Variants in SATB2 observed in about 807,000 individuals in gnomAD.
The protein encoded by SATB2 is SATB homeobox 2.
In SATB2, 1 loss-of-function variant was observed where a neutral mutation model predicts 73.4. The observed-to-expected ratio is 0.01, with a 90% CI of 0.00 to 0.06. SATB2 has a LOEUF of 0.06. SATB2 is among the 10% of genes least tolerant of loss of function. The pLI is 1.00. For missense variants in SATB2, 459 were observed against 945.8 expected (o/e 0.49, Z 6.75); for synonymous variants, 397 against 367.0 (o/e 1.08, Z -0.93).
In SATB2 at chr2:199,308,885, A is replaced by T; in HGVS notation, c.1615T>A (p.Cys539Ser). The T allele has an allele frequency of 6.2e-7, 1 of 1,614,166 alleles. No homozygotes were observed. Among genetic ancestry groups the T allele is most frequent in the Non-Finnish European group, 8.5e-7 (1 of 1,180,014 alleles). Residue 539 changes from cysteine to serine, a missense_variant, in exon 10 of 11, where the codon TGT (cysteine) becomes AGT (serine). This residue lies in a region of SATB2 where 74 missense variants were observed against 136.1 expected (regional missense o/e 0.54). Coordinates refer to ENST00000417098, the MANE Select transcript of SATB2 (RefSeq NM_001172509.2). The surrounding 1 kb of genome is among the most constrained non-coding windows in gnomAD (Gnocchi z 4.6). The stretch of plus-strand genomic sequence containing the variant: ...AGGTTCAGGAAGCGACGGATGGTAC[A>T]GAGGTTTTCCCAGAGGGTGCGGTTT... ...PENRTLWENL[C>S]TIRRFLNLPQ...
intron 10 of SATB2, among the ~76,000 whole-genome samples, chr2:199,281,164 C>A (rs978952349): frequency 6.6e-6 from 1 of 150,726 alleles, no homozygotes; most frequent in African/African-American, 2.4e-5. Context: ...AACCCAGGAG[C>A]GGGAGGTTGC....
chr2:199,368,670 G>A lies in SATB2; in HGVS notation c.635C>T (p.Ala212Val). ...CTGGCACTTGGTTGCTGACACATTG[G>A]CATAATATGTGCTATTTACAATGGA... ...ISSIVNSTYY[A>V]NVSATKCQEF... The change falls in exon 6 of 11, where the codon GCC becomes GTC. Residue 212 changes from alanine to valine, a missense_variant. Physicochemically the swap from Ala to Val is moderately conservative, Grantham distance 64. Coordinates refer to ENST00000417098, the MANE Select transcript of SATB2 (RefSeq NM_001172509.2). 1 of 1,608,586 alleles carries A rather than the reference G, an allele frequency of 6.2e-7. No homozygotes were observed. Among genetic ancestry groups the A allele is most frequent in the Non-Finnish European group, 8.5e-7 (1 of 1,175,688 alleles).
chr2:199,318,838 A>G lies in SATB2; in HGVS notation c.1542+4965T>C, dbSNP rs78715378. Among the ~76,000 whole-genome samples, 1,162 of 152,168 alleles carry G rather than the reference A, an allele frequency of 7.6e-3. 20 individuals carry two copies. Among genetic ancestry groups the G allele is most frequent in the African/African-American group, 0.026 (1,091 of 41,528 alleles). On this transcript the variant is annotated intron_variant, in intron 9 of 10. Coordinates refer to ENST00000417098, the MANE Select transcript of SATB2 (RefSeq NM_001172509.2). ...AAAAGAATCTTCCACAGAGACCTAG[A>G]TGTTTTAAATTATTTAGCCTGTCAA...
At chr2:199,439,726 C>T (rs998312353) in intron 2 of SATB2, among the ~76,000 whole-genome samples, 3 of 152,166 alleles carry the variant, frequency 2.0e-5, no homozygotes, top group Admixed American at 6.6e-5. Flanking sequence ...CTCACACTGA[C>T]ACAATCATAC....
intron 10 of SATB2, among the ~76,000 whole-genome samples, chr2:199,280,136 A>G (rs1574466131): frequency 1.3e-5 from 2 of 152,282 alleles, no homozygotes; most frequent in South Asian, 4.2e-4. Flanking sequence ...TAGTTCCCCA[A>G]ATTGATACTT....
At chr2:199,374,669 A>G (rs1379621006) in intron 5 of SATB2, among the ~76,000 whole-genome samples, 3 of 152,198 alleles carry the variant, frequency 2.0e-5, no homozygotes, top group Non-Finnish European at 2.9e-5. Context: ...TGTTCTTTTC[A>G]TTACAATTTT....
intron 10 of SATB2, among the ~76,000 whole-genome samples, chr2:199,294,751 A>T (rs968606547): frequency 6.6e-6 from 1 of 152,242 alleles, no homozygotes; most frequent in African/African-American, 2.4e-5. Context: ...TTGCATGTGA[A>T]TACTGCACTT....
At chr2:199,327,750 A>G (rs1688071476) in intron 8 of SATB2, among the ~76,000 whole-genome samples, 1 of 152,134 alleles carries the variant, frequency 6.6e-6, no homozygotes, top group Admixed American at 6.5e-5. Flanking sequence ...GAGAGGAAGA[A>G]TGGAAGTCAC....
chr2:199,366,179 G>A (rs1285415791), intron 6 of SATB2, among the ~76,000 whole-genome samples: 2 of 152,028 alleles, frequency 1.3e-5, no homozygotes, highest in Admixed American at 6.6e-5. Flanking sequence ...TAGGGAGGCT[G>A]AGAGGGACAT....
Position 199,308,815 on chromosome 2 carries a change from T to G in SATB2, c.1685A>C (p.His562Pro). Residue 562 changes from histidine (H) to proline (P), a missense_variant, in exon 10 of 11, where the codon CAT (histidine) becomes CCT (proline). Physicochemically the swap from His to Pro is moderately conservative, Grantham distance 77. This residue lies in a region of SATB2 where 74 missense variants were observed against 136.1 expected (regional missense o/e 0.54). Coordinates refer to ENST00000417098, the MANE Select transcript of SATB2 (RefSeq NM_001172509.2). The surrounding 1 kb of genome is among the most constrained non-coding windows in gnomAD (Gnocchi z 4.6). ...RDVIYEEESR[H>P]HHSERMQHVV... ...GTGTTGCATGCGTTCGCTGTGGTGA[T>G]GCCTTGACTCCTCCTCATAGATGAC... is the stretch of plus-strand genomic sequence containing the variant. 6.2e-7 allele frequency: 1 copy of G among 1,614,160 alleles called. No individual in the cohort carries two copies. Among genetic ancestry groups the G allele is most frequent in the South Asian group, 1.1e-5 (1 of 91,080 alleles).
chr2:199,388,521 C>T (rs1309119335), intron 3 of SATB2, among the ~76,000 whole-genome samples: 1 of 152,246 alleles, frequency 6.6e-6, no homozygotes, highest in Middle Eastern at 3.4e-3. Flanking sequence ...GTATACTGCA[C>T]AATAAAGCCT....
rs957588292 is a variant in SATB2 at position 199,271,372 on chromosome 2, G to A, written c.*839C>T. 4.6e-5 allele frequency: 7 copies of A among 152,650 alleles called. No individual in the cohort carries two copies. The highest frequency in any genetic ancestry group is 2.1e-4 in the South Asian group (1 of 4,818). The allele number at this position is 152,650 out of a possible 1,614,324, so 9.5% of individuals were successfully genotyped here. A position where few individuals can be genotyped will look rare whatever the true frequency, so the allele number is the denominator to read the frequency against. ...GTAATGACAAATTGAATAACGGAAC[G>A]TAGCAAGTCATTTTATTGAGTCATT... On this transcript the variant is annotated 3_prime_UTR_variant, in exon 11 of 11. Transcript: ENST00000417098.
In SATB2 at chr2:199,311,623, A is replaced by G. The variant is rs143084631; in HGVS notation, c.1543-2666T>C. Among the ~76,000 whole-genome samples, 73 of 152,220 alleles carry G rather than the reference A, an allele frequency of 4.8e-4. 1 individual carries two copies. In the East Asian group the frequency reaches 0.014, roughly 29 times the overall value. On this transcript the variant is annotated intron_variant, in intron 9 of 10. Coordinates refer to ENST00000417098, the MANE Select transcript of SATB2 (RefSeq NM_001172509.2). ...CCTACGGGCGCTCCTGTGATGCCATATATAGGTATTTATTTTGTATCTGAA... is the reference window on the plus strand; with the variant it reads ...CCTACGGGCGCTCCTGTGATGCCATGTATAGGTATTTATTTTGTATCTGAA...
rs200509001 is a variant in SATB2, at chr2:199,356,225, CAA to C, written c.701-7054_701-7053del. Among the ~76,000 whole-genome samples the C allele has an allele frequency of 6.9e-5, 7 of 100,984 alleles. No individual in the cohort carries two copies. In the East Asian group the frequency reaches 1.9e-3, roughly 28 times the overall value. 66.2% of individuals were successfully genotyped at this position (100,984 alleles called of 152,430 possible). A position where few individuals can be genotyped will look rare whatever the true frequency, so the allele number is the denominator to read the frequency against. On this transcript the variant is annotated intron_variant, in intron 6 of 10. Transcript: ENST00000417098. ...AAACCCTGGGTAGAAGAACATAAGC[CAA>C]AAAAAAAAAAAAAAAAAAAAGAAAG...
chr2:199,364,849 G>T (rs113639971), intron 6 of SATB2, among the ~76,000 whole-genome samples: 60 of 152,068 alleles, frequency 3.9e-4, no homozygotes, highest in African/African-American at 1.4e-3. Flanking sequence ...ATATATAAAA[G>T]ATTCTTTATT....
intron 9 of SATB2, among the ~76,000 whole-genome samples, chr2:199,313,001 G>A (rs1160565417): frequency 6.6e-6 from 1 of 152,194 alleles, no homozygotes; most frequent in Non-Finnish European, 1.5e-5. Flanking sequence ...TAAATGCAAT[G>A]TGGTTGCCGG....
At chr2:199,324,107 A>C (rs1210253273) in intron 8 of SATB2, 149 bp from the exon 9 acceptor site, 1 of 833,992 alleles carries the variant, frequency 1.2e-6, no homozygotes, top group Admixed American at 2.0e-5. Context: ...TAATCAGGTT[A>C]ATTGTGATTG....
intron 5 of SATB2, among the ~76,000 whole-genome samples, chr2:199,372,435 C>A (rs1689477373): frequency 6.6e-6 from 1 of 152,072 alleles, no homozygotes; most frequent in African/African-American, 2.4e-5. Context: ...AATAGATTTT[C>A]TTTTAGGTTC....
chr2:199,324,234 G>A (rs1687971897), intron 8 of SATB2, among the ~76,000 whole-genome samples: 1 of 151,986 alleles, frequency 6.6e-6, no homozygotes, highest in African/African-American at 2.4e-5. Context: ...CAAACTATAA[G>A]CAACCATCTA....
Sources: allele counts gnomAD v4.1 joint callset (sites outside exome capture counted in the v4.1 genomes callset), GRCh38; gene constraint gnomAD v4.1.1; regional missense constraint gnomAD v4.1.1; non-coding constraint Gnocchi (gnomAD v3.1); transcripts MANE v1.5; gene names NCBI Gene and HGNC (gene_info 2026-07-23, HGNC 2026-07-21).